The following HYDIN variants were observed in gnomAD, a reference collection of about 807,000 sequenced individuals.
The protein encoded by HYDIN is HYDIN axonemal central pair apparatus protein, also known as axonemal central pair apparatus protein HYDIN.
Under a neutral mutation model 403.9 loss-of-function variants are expected in HYDIN, and 132 were observed. That is an observed-to-expected ratio of 0.33 (90% CI 0.28 to 0.38). The LOEUF (loss-of-function observed/expected upper bound fraction) is 0.38, where lower values mean the gene tolerates loss of function less well. Ranked by LOEUF, HYDIN falls within the 10% of genes least tolerant of loss-of-function variation. HYDIN has a pLI of 1.00. For missense variants in HYDIN, 2,827 were observed against 5,009.5 expected, an observed-to-expected ratio of 0.56 and a Z score of 13.15; for synonymous variants, 1,202 against 1,891.7, an observed-to-expected ratio of 0.64 and a Z score of 9.46.
intron 23 of HYDIN, among the ~76,000 whole-genome samples, chr16:70,994,500 T>C (rs1362667831): frequency 6.6e-6 from 1 of 152,058 alleles, no homozygotes; most frequent in Non-Finnish European, 1.5e-5. Flanking sequence ...CAGATGTCTC[T>C]AGCTGACTTT....
intron 47 of HYDIN, among the ~76,000 whole-genome samples, chr16:70,915,326 G>T (rs2076806804): frequency 6.6e-6 from 1 of 152,164 alleles, no homozygotes; most frequent in African/African-American, 2.4e-5. Flanking sequence ...TTGTCCCACA[G>T]GGTGTTCCCT....
intron 6 of HYDIN, 44 bp from the exon 7 acceptor site, chr16:71,152,827 T>C (rs751452377): frequency 3.8e-6 from 6 of 1,586,228 alleles, no homozygotes; most frequent in Non-Finnish European, 1.7e-6. Context: ...TATTTCTGAC[T>C]AGTGTGAGAC....
intron 3 of HYDIN, among the ~76,000 whole-genome samples, chr16:71,184,189 G>T (rs2087029165): frequency 6.6e-6 from 1 of 152,058 alleles, no homozygotes; most frequent in Non-Finnish European, 1.5e-5. Flanking sequence ...AAACTCTCAG[G>T]AATTTTCAGA....
At chr16:71,014,484 C>G (rs917740119) in intron 23 of HYDIN, among the ~76,000 whole-genome samples, 1 of 151,712 alleles carries the variant, frequency 6.6e-6, no homozygotes, top group South Asian at 2.1e-4. Flanking sequence ...TGATCCACAG[C>G]CTTTGGTGGC....
chr16:71,102,584 T>C (rs1465901434), intron 10 of HYDIN, among the ~76,000 whole-genome samples: 1 of 151,622 alleles, frequency 6.6e-6, no homozygotes, highest in Non-Finnish European at 1.5e-5. Context: ...AAAACATTTA[T>C]GTTTGCTTGA....
At chr16:71,163,306 T>A (rs954400252) in intron 5 of HYDIN, among the ~76,000 whole-genome samples, 1 of 151,962 alleles carries the variant, frequency 6.6e-6, no homozygotes, top group African/African-American at 2.4e-5. Flanking sequence ...GTATTTTTAG[T>A]AGAGACGGGG....
At chr16:71,219,340 C>T (rs994253941) in intron 1 of HYDIN, among the ~76,000 whole-genome samples, 1 of 152,016 alleles carries the variant, frequency 6.6e-6, no homozygotes, top group African/African-American at 2.4e-5. Context: ...TTATGCATTG[C>T]CAGTGAAATT....
intron 55 of HYDIN, among the ~76,000 whole-genome samples, chr16:70,892,737 C>A (rs2041547957): frequency 6.6e-6 from 1 of 152,116 alleles, no homozygotes; most frequent in South Asian, 2.1e-4. Context: ...ACGGCAAAGA[C>A]AGCCATACTC....
intron 9 of HYDIN, among the ~76,000 whole-genome samples, chr16:71,121,953 T>C (rs1483094256): frequency 1.3e-5 from 2 of 150,876 alleles, no homozygotes; most frequent in African/African-American, 4.9e-5. Flanking sequence ...TTCTGCTTCA[T>C]TATTTTCCTG....
intron 47 of HYDIN, among the ~76,000 whole-genome samples, chr16:70,909,322 T>C (rs1212815098): frequency 6.6e-6 from 1 of 152,208 alleles, no homozygotes; most frequent in Non-Finnish European, 1.5e-5. Context: ...ATGTGTTTAA[T>C]CTGCTGTGTT....
At chr16:70,931,590 G>A (rs976415212) in intron 45 of HYDIN, among the ~76,000 whole-genome samples, 2 of 151,656 alleles carry the variant, frequency 1.3e-5, no homozygotes, top group African/African-American at 2.4e-5. Flanking sequence ...GGATCCCTAG[G>A]TGATTTGCGT....
At chr16:71,040,937 T>C (rs2081266927) in intron 18 of HYDIN, among the ~76,000 whole-genome samples, 1 of 147,188 alleles carries the variant, frequency 6.8e-6, no homozygotes, top group South Asian at 2.2e-4. Flanking sequence ...AACTTAAATC[T>C]GACAGAAGAA....
chr16:70,871,454 G>A (rs1428405339), intron 65 of HYDIN, among the ~76,000 whole-genome samples: 7 of 151,978 alleles, frequency 4.6e-5, no homozygotes, highest in Non-Finnish European at 8.8e-5. Context: ...CTTCTAGAAC[G>A]TTATCCTAGG....
intron 1 of HYDIN, among the ~76,000 whole-genome samples, chr16:71,224,214 G>C (rs1017943121): frequency 2.6e-5 from 4 of 152,130 alleles, no homozygotes; most frequent in African/African-American, 4.8e-5. Flanking sequence ...AATACCATAC[G>C]TTCTCCCTTA....
At chr16:71,015,252 A>G (rs550448370) in intron 23 of HYDIN, among the ~76,000 whole-genome samples, 1 of 152,196 alleles carries the variant, frequency 6.6e-6, no homozygotes, top group East Asian at 1.9e-4. Flanking sequence ...CAGAGGCTCA[A>G]TATTAAGAGA....
chr16:71,158,679 G>GTTTTTTTTTT (rs10615981), intron 6 of HYDIN, among the ~76,000 whole-genome samples: 1 of 117,326 alleles, frequency 8.5e-6, no homozygotes, highest in East Asian at 2.4e-4. Context: ...GAAAAAGATG[G>GTTTTTTTTTT]TTTTTTTTTT....
At chr16:70,887,975 G>A (rs2041244065) in intron 58 of HYDIN, among the ~76,000 whole-genome samples, 2 of 152,142 alleles carry the variant, frequency 1.3e-5, no homozygotes, top group East Asian at 1.9e-4. Context: ...GAGCCACGGC[G>A]CCTGGCCCAA....
rs1013464262 is a variant in HYDIN, at chr16:71,117,701, C to G, written c.1228-1906G>C. The stretch of plus-strand genomic sequence containing the variant: ...ATTAGGCTCCAGCTCCAGACAGTCC[C>G]TGGTGCATTCTCTATTTGCAGTCTG... On this transcript the variant is annotated intron_variant, in intron 9 of 85. Transcript: ENST00000393567. Among the ~76,000 whole-genome samples, 19 of 151,982 alleles carry G rather than the reference C, an allele frequency of 1.3e-4. 1 individual carries two copies. The highest frequency in any genetic ancestry group is 4.3e-4 in the African/African-American group (18 of 41,438).
At chr16:70,814,356 C>T (rs8057837) in intron 84 of HYDIN, among the ~76,000 whole-genome samples, 2,720 of 96,594 alleles carry the variant, frequency 0.028, 180 homozygotes, top group African/African-American at 0.11. Flanking sequence ...GGCAAAACAG[C>T]ATCAGTCTCG....
Sources: gnomAD v4.1 joint callset for allele counts (sites outside exome capture counted in the v4.1 genomes callset) on GRCh38, gnomAD v4.1.1 for gene constraint, MANE v1.5 for transcripts, NCBI Gene and HGNC (gene_info 2026-07-23, HGNC 2026-07-21) for gene names.